Variants in EDARADD observed in about 807,000 individuals in gnomAD.
The protein encoded by EDARADD is ectodysplasin-A receptor-associated adapter protein.
In EDARADD, 20 loss-of-function variants were observed where a neutral mutation model predicts 25.6. The observed-to-expected ratio is 0.78, with a 90% CI of 0.55 to 1.14. EDARADD has a LOEUF of 1.14. Among genes scored for constraint, EDARADD ranks in the 50% most tolerant of loss-of-function variants. The probability of loss-of-function intolerance (pLI) is 0.00; values close to 1 mark genes in which losing one functional copy is unlikely to be tolerated. For synonymous variants in EDARADD, 86 were observed against 94.4 expected (o/e 0.91, Z 0.52); for missense variants, 225 against 270.1 (o/e 0.83, Z 1.17).
intron 3 of EDARADD, among the ~76,000 whole-genome samples, chr1:236,375,904 A>AG (rs1167856776): frequency 1.3e-5 from 2 of 151,034 alleles, no homozygotes; most frequent in African/African-American, 2.4e-5. Flanking sequence ...AAAGAAAGAA[A>AG]AAAAAAAGAA....
chr1:236,409,373 C>A, intron 2 of EDARADD, 99 bp downstream of exon 2: 1 of 915,016 alleles, frequency 1.1e-6, no homozygotes, highest in Non-Finnish European at 1.8e-6. Flanking sequence ...ACATGTGCAT[C>A]AGAAACCCCA....
intron 5 of EDARADD, among the ~76,000 whole-genome samples, chr1:236,475,222 G>A (rs1659469413): frequency 6.6e-6 from 1 of 152,056 alleles, no homozygotes; most frequent in Non-Finnish European, 1.5e-5. Context: ...GATTTCTTTG[G>A]TCTGAAGTCT....
chr1:236,368,474 CTT>C (rs1667138282), intron 3 of EDARADD, among the ~76,000 whole-genome samples: 1 of 138,480 alleles, frequency 7.2e-6, no homozygotes. Flanking sequence ...GAGTTTCACT[CTT>C]GTTGCCAAGG....
intron 3 of EDARADD, among the ~76,000 whole-genome samples, chr1:236,377,807 A>G (rs773709164): frequency 1.6e-4 from 25 of 151,922 alleles, no homozygotes; most frequent in South Asian, 4.2e-4. Context: ...GCAGTGAGCC[A>G]AGATCGTGCC....
At chr1:236,352,321 G>A (rs958064600) in intron 3 of EDARADD, among the ~76,000 whole-genome samples, 2 of 152,176 alleles carry the variant, frequency 1.3e-5, no homozygotes, top group African/African-American at 2.4e-5. Context: ...TGGCTTGGTG[G>A]TGTGGAACTT....
In EDARADD at chr1:236,395,392, G is replaced by A; in HGVS notation, c.61+887G>A. 16 of 1,404,686 alleles carry A rather than the reference G, an allele frequency of 1.1e-5. No homozygotes were observed. The highest frequency in any genetic ancestry group is 1.5e-5 in the African/African-American group (1 of 67,564). 87.0% of individuals were successfully genotyped at this position (1,404,686 alleles called of 1,614,324 possible). On this transcript the variant is annotated intron_variant, in intron 1 of 5. Coordinates refer to ENST00000334232, the MANE Select transcript of EDARADD (RefSeq NM_145861.4). The surrounding 1 kb of genome is among the most constrained non-coding windows in gnomAD (Gnocchi z 6.9). Reference sequence around the variant, plus strand: ...GCGCCTCTGGAGGGAGGTACCGAGGGACGCGCAGCGAAGGGGCTTTGCTAA... The same window carrying A: ...GCGCCTCTGGAGGGAGGTACCGAGGAACGCGCAGCGAAGGGGCTTTGCTAA...
intron 3 of EDARADD, among the ~76,000 whole-genome samples, 160 bp downstream of exon 3, chr1:236,414,459 T>TAC (rs1657582764): frequency 9.9e-6 from 1 of 100,734 alleles, no homozygotes; most frequent in South Asian, 2.9e-4. Flanking sequence ...AATTAATTTT[T>TAC]TTCTTTTTTA....
intron 4 of EDARADD, among the ~76,000 whole-genome samples, chr1:236,466,932 T>TG (rs1318689317): frequency 2.0e-5 from 3 of 151,962 alleles, no homozygotes; most frequent in African/African-American, 7.3e-5. Context: ...CCAGGCGTGG[T>TG]GGCGGGTGGC....
intron 4 of EDARADD, among the ~76,000 whole-genome samples, chr1:236,466,864 C>T (rs1404817205): frequency 3.9e-5 from 6 of 152,120 alleles, no homozygotes; most frequent in African/African-American, 9.7e-5. Context: ...GTCAGGAGTT[C>T]GAGACCATCC....
chr1:236,408,263 T>C (rs888800608), intron 1 of EDARADD, among the ~76,000 whole-genome samples: 1 of 152,022 alleles, frequency 6.6e-6, no homozygotes, highest in African/African-American at 2.4e-5. Context: ...AGGGCAGTGG[T>C]GTGATCTCAG....
chr1:236,482,454 C>T lies in EDARADD; in HGVS notation c.453C>T (p.Asp151=), dbSNP rs773579559. 14 of 1,614,024 alleles carry T rather than the reference C, an allele frequency of 8.7e-6. No homozygotes were observed. Among genetic ancestry groups the T allele is most frequent in the South Asian group, 3.3e-5 (3 of 91,068 alleles). Residue 151 remains aspartate (D), a synonymous_variant, in exon 6 of 6, where the codon GAC becomes GAT. Transcript: ENST00000334232. ...NFASKWGMSY[D]ELCFLEQRPQ... ...CAAGCAAATGGGGGATGTCCTATGACGAATTGTGCTTCCTGGAGCAGAGGC... is the reference window on the plus strand; with the variant it reads ...CAAGCAAATGGGGGATGTCCTATGATGAATTGTGCTTCCTGGAGCAGAGGC...
chr1:236,393,195 A>G (rs1369883121), upstream of EDARADD, among the ~76,000 whole-genome samples: 11 of 152,120 alleles, frequency 7.2e-5, no homozygotes, highest in Admixed American at 7.2e-4. Context: ...TGACAGGTCC[A>G]TCAGCGAAAT....
Position 236,380,010 on chromosome 1 carries a change from G to A in EDARADD, c.-6+29171G>A, listed in dbSNP as rs143014293. 2.0e-3 allele frequency among the ~76,000 whole-genome samples: 298 copies of A among 152,268 alleles called. 2 individuals are homozygous for A. Among genetic ancestry groups the A allele is most frequent in the Non-Finnish European group, 3.5e-3 (238 of 68,030 alleles). ...TATTAATAACACAACAGCAGTGCTG[G>A]TTTGAGGTTGCTGATGTGCAGGTCC... On this transcript the variant is annotated intron_variant, in intron 3 of 7. Coordinates refer to the EDARADD transcript ENST00000439430.
At chr1:236,408,626 C>T (rs1248184644) in intron 1 of EDARADD, among the ~76,000 whole-genome samples, 1 of 152,008 alleles carries the variant, frequency 6.6e-6, no homozygotes, top group Non-Finnish European at 1.5e-5. Context: ...GCCTGTAATC[C>T]CAGTGCTTTG....
intron 4 of EDARADD, among the ~76,000 whole-genome samples, chr1:236,441,785 C>T (rs576507754): frequency 2.0e-5 from 3 of 152,074 alleles, no homozygotes; most frequent in African/African-American, 7.2e-5. Flanking sequence ...CTGTCTCGGC[C>T]TCCCAAATTG....
intron 4 of EDARADD, among the ~76,000 whole-genome samples, chr1:236,439,825 C>T (rs904998785): frequency 6.6e-6 from 1 of 152,158 alleles, no homozygotes; most frequent in Non-Finnish European, 1.5e-5. Flanking sequence ...CAGTGTCTTT[C>T]ACAGAGTAGA....
chr1:236,465,768 G>A (rs1274360343), intron 4 of EDARADD, among the ~76,000 whole-genome samples: 2 of 152,104 alleles, frequency 1.3e-5, no homozygotes, highest in African/African-American at 4.8e-5. Flanking sequence ...GCATGTGTAT[G>A]CTTTCATTAA....
chr1:236,423,878 G>T (rs778351424), intron 3 of EDARADD, among the ~76,000 whole-genome samples: 1 of 152,064 alleles, frequency 6.6e-6, no homozygotes, highest in Non-Finnish European at 1.5e-5. Flanking sequence ...GGCCGAGGTG[G>T]GCAGATCACT....
chr1:236,455,948 T>C (rs1322071197), intron 4 of EDARADD, among the ~76,000 whole-genome samples: 4 of 152,146 alleles, frequency 2.6e-5, no homozygotes, highest in East Asian at 3.9e-4. Context: ...CGCCACCACG[T>C]CTGGCTCATC....
Sources: allele counts gnomAD v4.1 joint callset (sites outside exome capture counted in the v4.1 genomes callset), GRCh38; gene constraint gnomAD v4.1.1; non-coding constraint Gnocchi (gnomAD v3.1); transcripts MANE v1.5; gene names NCBI Gene and HGNC (gene_info 2026-07-23, HGNC 2026-07-21).